Variants in GSE1 observed in about 807,000 individuals in gnomAD.
The protein encoded by GSE1 is genetic suppressor element 1.
In GSE1, 32 loss-of-function variants were observed where a neutral mutation model predicts 112.6. The ratio of observed to expected loss-of-function variants is 0.28; its 90% CI spans 0.21 to 0.38. The LOEUF is 0.38. GSE1 is among the 10% of genes least tolerant of loss of function. GSE1 has a pLI of 1.00. For missense variants in GSE1, 2,348 were observed against 1,699.2 expected (o/e 1.38, Z -6.71); for synonymous variants, 1,115 against 735.6 (o/e 1.52, Z -8.35).
chr16:85,477,416 C>T (rs1262673702), intron 2 of GSE1, among the ~76,000 whole-genome samples: 91 of 152,020 alleles, frequency 6.0e-4, no homozygotes, highest in Non-Finnish European at 5.9e-5. Flanking sequence ...TAGGAGGGTG[C>T]CCCCCAGCCA....
intron 1 of GSE1, among the ~76,000 whole-genome samples, chr16:85,211,276 C>G (rs1453182858): frequency 6.6e-6 from 1 of 151,774 alleles, no homozygotes; most frequent in East Asian, 1.9e-4. Flanking sequence ...CCAGGAGAGA[C>G]TGGTCTCAGC....
intron 2 of GSE1, among the ~76,000 whole-genome samples, chr16:85,484,410 C>A (rs2050772002): frequency 6.6e-6 from 1 of 152,240 alleles, no homozygotes; most frequent in Admixed American, 6.5e-5. Flanking sequence ...TATAAATTAT[C>A]CCTCCAAAAC....
chr16:85,374,346 C>T (rs1217271061), intron 2 of GSE1, among the ~76,000 whole-genome samples: 5 of 139,866 alleles, frequency 3.6e-5, no homozygotes, highest in Non-Finnish European at 6.2e-5. Context: ...TGTGTGGTCG[C>T]GCGTGGCCCT....
chr16:85,606,465 T>C (rs2047707936), upstream of GSE1, among the ~76,000 whole-genome samples: 1 of 152,162 alleles, frequency 6.6e-6, no homozygotes, highest in Non-Finnish European at 1.5e-5. Flanking sequence ...TGTCTGGATG[T>C]GCAGGGGATG....
At chr16:85,476,021 C>T (rs755587359) in intron 2 of GSE1, among the ~76,000 whole-genome samples, 3 of 152,160 alleles carry the variant, frequency 2.0e-5, no homozygotes, top group Non-Finnish European at 4.4e-5. Context: ...ACTGCTGCCT[C>T]CCAGGCTAAG....
chr16:85,303,680 G>C (rs1190855033), intron 1 of GSE1, among the ~76,000 whole-genome samples: 4 of 152,268 alleles, frequency 2.6e-5, no homozygotes, highest in Non-Finnish European at 5.9e-5. Context: ...AAACACGGCG[G>C]TGCGGGCAGG....
intron 2 of GSE1, among the ~76,000 whole-genome samples, chr16:85,416,749 T>C (rs1363396870): frequency 6.6e-6 from 1 of 152,278 alleles, no homozygotes; most frequent in East Asian, 1.9e-4. Flanking sequence ...GGGTCACGGC[T>C]GACTTGAAGG....
intron 1 of GSE1, among the ~76,000 whole-genome samples, chr16:85,346,633 G>GATT (rs1567702945): frequency 3.1e-5 from 4 of 127,028 alleles, no homozygotes; most frequent in Non-Finnish European, 7.2e-5. Context: ...GATGGATGAT[G>GATT]GACAGGTAGA....
intron 1 of GSE1, among the ~76,000 whole-genome samples, chr16:85,172,349 G>A (rs1258675105): frequency 6.6e-6 from 1 of 152,218 alleles, no homozygotes; most frequent in African/African-American, 2.4e-5. Context: ...GGGAAATAGG[G>A]TTCCAGACAT....
At chr16:85,635,092 C>T (rs1006896770) in intron 2 of GSE1, among the ~76,000 whole-genome samples, 4 of 152,186 alleles carry the variant, frequency 2.6e-5, no homozygotes, top group Admixed American at 6.5e-5. Context: ...TTACATTACC[C>T]GGGTTCCAGC....
chr16:85,409,313 C>T (rs1304874583), intron 2 of GSE1, among the ~76,000 whole-genome samples: 10 of 37,318 alleles, frequency 2.7e-4, no homozygotes, highest in East Asian at 2.6e-3. Context: ...CAGGGCCCCC[C>T]GGATAATCCT....
In GSE1 at chr16:85,633,020, G is replaced by GCCA. The variant is rs1567684456; in HGVS notation, c.8-892_8-891insACC. On this transcript the variant is annotated intron_variant, in intron 1 of 15. Coordinates refer to ENST00000253458, the MANE Select transcript of GSE1 (RefSeq NM_014615.5). ...CTGGGCTCAGACCTCTGGTGCCGCC[G>GCCA]CCGCCGCCGCTGTCACCACTGGCCG... 2.6e-5 allele frequency among the ~76,000 whole-genome samples: 4 copies of GCCA among 151,988 alleles called. No individual in the cohort carries two copies. In the South Asian group the frequency reaches 8.3e-4, roughly 31 times the overall value.
intron 1 of GSE1, among the ~76,000 whole-genome samples, chr16:85,203,342 G>T (rs1264219890): frequency 6.6e-6 from 1 of 152,224 alleles, no homozygotes; most frequent in Non-Finnish European, 1.5e-5. Context: ...TCCAGGTCCA[G>T]TCTAAAGGTG....
intron 2 of GSE1, among the ~76,000 whole-genome samples, chr16:85,464,376 C>T (rs2050065695): frequency 6.6e-6 from 1 of 152,134 alleles, no homozygotes; most frequent in Non-Finnish European, 1.5e-5. Flanking sequence ...AAAGGGGAGG[C>T]TTTTTTCCTT....
intron 2 of GSE1, among the ~76,000 whole-genome samples, chr16:85,514,053 C>G (rs1417168817): frequency 6.6e-6 from 1 of 152,072 alleles, no homozygotes; most frequent in African/African-American, 2.4e-5. Flanking sequence ...CCGGGTGATT[C>G]CAGGCTGAAG....
chr16:85,475,508 C>G (rs761240714), intron 2 of GSE1, among the ~76,000 whole-genome samples: 3 of 152,238 alleles, frequency 2.0e-5, no homozygotes, highest in Non-Finnish European at 2.9e-5. Flanking sequence ...CTGCCTGGAT[C>G]CTGTAATTGT....
At chr16:85,309,502 T>TAAATA in intron 1 of GSE1, among the ~76,000 whole-genome samples, 1 of 150,828 alleles carries the variant, frequency 6.6e-6, no homozygotes, top group Admixed American at 6.6e-5. Context: ...TCTAAAACAA[T>TAAATA]AATAAATAAA....
At position 85,661,171 on chromosome 16, in the gene GSE1, G is replaced by C. The variant is rs1018536993; in HGVS notation, c.1666G>C (p.Gly556Arg). Reference sequence around the variant, plus strand: ...GCCAGGACCAAACCGTCACGAGCCAGGTGGCCGTGACCCTCCGCAGCACTT... The same window carrying C: ...GCCAGGACCAAACCGTCACGAGCCACGTGGCCGTGACCCTCCGCAGCACTT... ...TRPGPNRHEP[G>R]GRDPPQHFGG... The change falls in exon 9 of 16, where the codon GGT becomes CGT. Residue 556 changes from glycine to arginine, a missense_variant. Physicochemically the swap from Gly to Arg is moderately radical, Grantham distance 125. Transcript: ENST00000253458. 1 of 1,593,306 alleles carries C rather than the reference G, an allele frequency of 6.3e-7. No individual in the cohort carries two copies. Among genetic ancestry groups the C allele is most frequent in the African/African-American group, 1.3e-5 (1 of 74,632 alleles).
intron 15 of GSE1, 119 bp from the exon 16 acceptor site, chr16:85,672,286 C>G (rs542618544): frequency 2.8e-5 from 21 of 749,162 alleles, no homozygotes; most frequent in Non-Finnish European, 4.8e-5. Context: ...TGAGCCACCA[C>G]GCCCGGCCGG....
Sources: allele counts gnomAD v4.1 joint callset (sites outside exome capture counted in the v4.1 genomes callset), GRCh38; gene constraint gnomAD v4.1.1; transcripts MANE v1.5; gene names NCBI Gene and HGNC (gene_info 2026-07-23, HGNC 2026-07-21).